The following TSPAN18 variants were observed in gnomAD, a reference collection of about 807,000 sequenced individuals.
TSPAN18 encodes the protein tetraspanin 18.
TSPAN18 carries 14 observed loss-of-function variants against 27.3 expected under a neutral mutation model. That is an observed-to-expected ratio of 0.51 (90% CI 0.34 to 0.80). TSPAN18 has a LOEUF of 0.80. Ranked by LOEUF, TSPAN18 falls within the 30% of genes least tolerant of loss-of-function variation. The pLI is 0.01. For missense variants in TSPAN18, 268 were observed against 323.9 expected (o/e 0.83, Z 1.32); for synonymous variants, 143 against 136.5 (o/e 1.05, Z -0.33).
chr11:44,910,553 T>G (rs1179145510), intron 5 of TSPAN18, among the ~76,000 whole-genome samples: 1 of 152,236 alleles, frequency 6.6e-6, no homozygotes, highest in Non-Finnish European at 1.5e-5. Context: ...ACCTTGATGT[T>G]TTTCCACTTG....
intron 2 of TSPAN18, chr11:44,859,788 G>A (rs1237538482): frequency 1.3e-5 from 2 of 152,326 alleles, no homozygotes; most frequent in African/African-American, 4.8e-5. Context: ...GAGACCCAGA[G>A]TTTAGGCCTT....
intron 3 of TSPAN18, among the ~76,000 whole-genome samples, chr11:44,890,387 TCAA>T (rs571379123): frequency 9.4e-4 from 143 of 152,338 alleles, no homozygotes; most frequent in Non-Finnish European, 1.7e-3. Context: ...GACTTTGTCA[TCAA>T]CAGATCTAAG....
chr11:44,740,121 C>A (rs1193951844), intron 1 of TSPAN18, among the ~76,000 whole-genome samples: 3 of 152,198 alleles, frequency 2.0e-5, no homozygotes, highest in African/African-American at 7.2e-5. Context: ...GTTGCCTGGC[C>A]CTCTCCGATC....
At position 44,918,324 on chromosome 11, in the gene TSPAN18, A is replaced by G. The variant is rs563176060; in HGVS notation, c.333+278A>G. On this transcript the variant is annotated intron_variant, in intron 6 of 9. Transcript: ENST00000520358. ...GAAACATCCCTTCCAAACCTTGCCT[A>G]GTAACGGCCCAGTGATAGTGAGACA... Among the ~76,000 whole-genome samples the G allele has an allele frequency of 3.3e-5, 5 of 152,278 alleles. No individual in the cohort carries two copies. The South Asian group carries it at 1.0e-3, about 32-fold the overall frequency.
intron 1 of TSPAN18, among the ~76,000 whole-genome samples, chr11:44,749,171 A>C (rs1855150946): frequency 3.9e-5 from 6 of 152,268 alleles, no homozygotes; most frequent in Admixed American, 3.9e-4. Flanking sequence ...CAGGATTTCA[A>C]GATGAAAGGC....
intron 1 of TSPAN18, among the ~76,000 whole-genome samples, chr11:44,763,628 CA>C (rs1855501991): frequency 6.6e-6 from 1 of 151,984 alleles, no homozygotes; most frequent in Admixed American, 6.6e-5. Flanking sequence ...GCCTTTTTTT[CA>C]GCCTGAGGAA....
At chr11:44,878,845 A>G (rs2135254201) in intron 3 of TSPAN18, among the ~76,000 whole-genome samples, 1 of 152,262 alleles carries the variant, frequency 6.6e-6, no homozygotes, top group African/African-American at 2.4e-5. Context: ...TGGTGGTAAC[A>G]TGTTGTCTTC....
intron 3 of TSPAN18, among the ~76,000 whole-genome samples, chr11:44,896,060 C>T (rs375588374): frequency 6.6e-5 from 10 of 152,228 alleles, no homozygotes; most frequent in Admixed American, 2.6e-4. Context: ...GGCACTTCCC[C>T]GGCACATAGT....
At chr11:44,864,098 C>T (rs578052466) in intron 3 of TSPAN18, among the ~76,000 whole-genome samples, 1 of 151,678 alleles carries the variant, frequency 6.6e-6, no homozygotes, top group East Asian at 1.9e-4. Context: ...AGCAGCCTGG[C>T]CAACATAGTG....
chr11:44,789,610 A>C (rs1856142576), intron 2 of TSPAN18, among the ~76,000 whole-genome samples: 1 of 152,036 alleles, frequency 6.6e-6, no homozygotes, highest in African/African-American at 2.4e-5. Context: ...GAGGGAGGTG[A>C]GCTCTTGAGG....
intron 3 of TSPAN18, among the ~76,000 whole-genome samples, chr11:44,869,630 G>A (rs12808382): frequency 0.22 from 32,759 of 152,076 alleles, 4,105 homozygotes; most frequent in Non-Finnish European, 0.3. Context: ...ACCTCCCTTT[G>A]ATGGAACCAC....
intron 1 of TSPAN18, among the ~76,000 whole-genome samples, chr11:44,762,648 T>A (rs757858713): frequency 2.0e-5 from 3 of 152,200 alleles, no homozygotes; most frequent in Admixed American, 6.5e-5. Context: ...TGTGTGTGTG[T>A]GTTTATGGGT....
At chr11:44,890,408 T>A (rs948103461) in intron 3 of TSPAN18, among the ~76,000 whole-genome samples, 9 of 152,204 alleles carry the variant, frequency 5.9e-5, no homozygotes, top group African/African-American at 2.2e-4. Context: ...AAGTACATAT[T>A]TTCAAATTAC....
chr11:44,845,971 C>G (rs763067461), intron 2 of TSPAN18, among the ~76,000 whole-genome samples: 1 of 152,246 alleles, frequency 6.6e-6, no homozygotes, highest in Non-Finnish European at 1.5e-5. Context: ...CTCCCAGACT[C>G]CTGCTTCCCC....
intron 2 of TSPAN18, among the ~76,000 whole-genome samples, chr11:44,799,411 T>G (rs553684486): frequency 1.3e-3 from 199 of 152,290 alleles, no homozygotes; most frequent in Non-Finnish European, 1.8e-3. Flanking sequence ...TTAAAAGTTT[T>G]ATTAGATTAG....
At chr11:44,809,778 G>A (rs956828197) in intron 2 of TSPAN18, among the ~76,000 whole-genome samples, 5 of 152,220 alleles carry the variant, frequency 3.3e-5, no homozygotes, top group African/African-American at 9.6e-5. Flanking sequence ...TTCCACTTCT[G>A]TAAAATGGGT....
At chr11:44,763,759 G>T (rs990029423) in intron 1 of TSPAN18, among the ~76,000 whole-genome samples, 1 of 152,146 alleles carries the variant, frequency 6.6e-6, no homozygotes, top group African/African-American at 2.4e-5. Flanking sequence ...GCTGACTTGG[G>T]AAGATTGAAA....
In TSPAN18 at chr11:44,902,947, G is replaced by A. The variant is rs142504956; in HGVS notation, c.-10-3460G>A. Among the ~76,000 whole-genome samples, 100 of 152,266 alleles carry A rather than the reference G, an allele frequency of 6.6e-4. 1 individual carries two copies. In the East Asian group the frequency reaches 0.016, roughly 24 times the overall value. On this transcript the variant is annotated intron_variant, in intron 3 of 9. Coordinates refer to ENST00000520358, the MANE Select transcript of TSPAN18 (RefSeq NM_130783.5). ...TACGAATGACTGGAAGCATGCCTTA[G>A]CCCAGCACCAGGCTTCCTTCACACT...
chr11:44,770,113 C>T (rs1174509911), intron 2 of TSPAN18, among the ~76,000 whole-genome samples: 3 of 152,176 alleles, frequency 2.0e-5, no homozygotes, highest in African/African-American at 7.2e-5. Context: ...CCTGGCACTG[C>T]TCTACATGCT....
Sources: gnomAD v4.1 joint callset for allele counts (sites outside exome capture counted in the v4.1 genomes callset) on GRCh38, gnomAD v4.1.1 for gene constraint, MANE v1.5 for transcripts, NCBI Gene and HGNC (gene_info 2026-07-23, HGNC 2026-07-21) for gene names.